Variants in DUSP29 observed in about 807,000 individuals in gnomAD.
DUSP29 encodes dual specificity phosphatase 29, also known as atypical dual-specific protein phosphatase.
DUSP29 carries 12 observed loss-of-function variants against 13.5 expected under a neutral mutation model. That is an observed-to-expected ratio of 0.89 (90% CI 0.57 to 1.44). The LOEUF is 1.44. Ranked by LOEUF, DUSP29 falls within the 40% of genes most tolerant of loss-of-function variation. DUSP29 has a pLI of 0.00. For missense variants in DUSP29, 308 were observed against 301.1 expected (o/e 1.02, Z -0.17); for synonymous variants, 134 against 128.7 (o/e 1.04, Z -0.28).
At chr10:75,072,493 T>A (rs1026094086) in intron 1 of DUSP29, among the ~76,000 whole-genome samples, 1 of 152,160 alleles carries the variant, frequency 6.6e-6, no homozygotes, top group African/African-American at 2.4e-5. Flanking sequence ...CCAGCCTCCA[T>A]GCCCAACGCG....
At chr10:75,059,888 G>A (rs1589866111) in intron 1 of DUSP29, among the ~76,000 whole-genome samples, 2 of 152,330 alleles carry the variant, frequency 1.3e-5, no homozygotes, top group East Asian at 3.9e-4. Flanking sequence ...GCCAGGCGCG[G>A]TGGCTCATGC....
intron 1 of DUSP29, among the ~76,000 whole-genome samples, chr10:75,072,998 C>T (rs1056285336): frequency 1.3e-5 from 2 of 151,978 alleles, no homozygotes; most frequent in African/African-American, 2.4e-5. Flanking sequence ...CAGTCCCACC[C>T]CCCATCTCTA....
chr10:75,050,194 T>C (rs1424611960), intron 2 of DUSP29, among the ~76,000 whole-genome samples: 1 of 151,978 alleles, frequency 6.6e-6, no homozygotes, highest in African/African-American at 2.4e-5. Context: ...CTGCTGACTA[T>C]AGGGAAAAAA....
At chr10:75,046,816 C>T (rs1163947771) in intron 2 of DUSP29, among the ~76,000 whole-genome samples, 1 of 152,206 alleles carries the variant, frequency 6.6e-6, no homozygotes, top group Non-Finnish European at 1.5e-5. Flanking sequence ...CCAATTAAAG[C>T]CGCCGCTAAT....
chr10:75,041,636 G>C (rs1185694193), intron 3 of DUSP29, among the ~76,000 whole-genome samples: 1 of 152,196 alleles, frequency 6.6e-6, no homozygotes, highest in Admixed American at 6.5e-5. Flanking sequence ...CCAGTGCAAA[G>C]GTGCTGAGAG....
chr10:75,048,796 G>A (rs148152009), intron 2 of DUSP29, among the ~76,000 whole-genome samples: 4 of 152,178 alleles, frequency 2.6e-5, no homozygotes, highest in East Asian at 3.8e-4. Flanking sequence ...CCGGCCTTCC[G>A]GTGTCTTGGG....
intron 2 of DUSP29, among the ~76,000 whole-genome samples, chr10:75,052,550 G>T (rs1036799634): frequency 3.9e-5 from 6 of 151,954 alleles, no homozygotes; most frequent in African/African-American, 1.2e-4. Flanking sequence ...CTCGTAATCC[G>T]CCTGCCTCGG....
At chr10:75,069,027 T>C (rs970680696) in intron 1 of DUSP29, among the ~76,000 whole-genome samples, 6 of 152,230 alleles carry the variant, frequency 3.9e-5, no homozygotes, top group Admixed American at 1.3e-4. Context: ...TGTGAATTAA[T>C]ATAAAATCCT....
intron 1 of DUSP29, among the ~76,000 whole-genome samples, chr10:75,060,848 C>T (rs774578837): frequency 7.2e-5 from 11 of 152,176 alleles, no homozygotes; most frequent in Admixed American, 3.9e-4. Context: ...CTGGAGATTC[C>T]GAGGACAGTT....
At chr10:75,072,519 ACTCAG>A (rs1847352834) in intron 1 of DUSP29, among the ~76,000 whole-genome samples, 1 of 151,904 alleles carries the variant, frequency 6.6e-6, no homozygotes, top group East Asian at 1.9e-4. Flanking sequence ...CTTGTTAAGA[ACTCAG>A]CTCAGAAGCC....
At chr10:75,044,097 C>G in intron 2 of DUSP29, 80 bp from the exon 3 acceptor site, 1 of 1,350,858 alleles carries the variant, frequency 7.4e-7, no homozygotes, top group South Asian at 1.3e-5. Context: ...CCCACGCTTT[C>G]CGCTGTGGAT....
chr10:75,053,846 T>A (rs2134292765), intron 2 of DUSP29, among the ~76,000 whole-genome samples: 1 of 152,296 alleles, frequency 6.6e-6, no homozygotes, highest in African/African-American at 2.4e-5. Flanking sequence ...ACTGGCTGAC[T>A]GAATGAATGA....
Position 75,058,470 on chromosome 10 carries a change from T to A in DUSP29, c.45A>T (p.Ser15=). 6.2e-7 allele frequency: 1 copy of A among 1,614,214 alleles called. No individual in the cohort carries two copies. Among genetic ancestry groups the A allele is most frequent in the South Asian group, 1.1e-5 (1 of 91,082 alleles). ...TCTTCGGCGACAGCCTCTTGGCAGA[T>A]GAGTAGGCATTCTTGAGGCTTGTCT... is the stretch of plus-strand genomic sequence containing the variant. ...EVKTSLKNAY[S]SAKRLSPKME... Residue 15 remains serine, a synonymous_variant, in exon 2 of 4, where the codon TCA becomes TCT. Coordinates refer to ENST00000338487, the MANE Select transcript of DUSP29 (RefSeq NM_001003892.3).
rs748792965 is a variant in DUSP29, at chr10:75,037,650, G to A, written c.*186C>T. On this transcript the variant is annotated 3_prime_UTR_variant, in exon 4 of 4. Coordinates refer to ENST00000338487, the MANE Select transcript of DUSP29 (RefSeq NM_001003892.3). ...CTCCCATTTTGCTGAGAGGCTGAGCGCTCAGCTCTGCCCGGGGGCAGCTCT... is the reference window on the plus strand; with the variant it reads ...CTCCCATTTTGCTGAGAGGCTGAGCACTCAGCTCTGCCCGGGGGCAGCTCT... Among the ~76,000 whole-genome samples, 7 of 152,296 alleles carry A rather than the reference G, an allele frequency of 4.6e-5. No individual in the cohort carries two copies. The highest frequency in any genetic ancestry group is 1.2e-4 in the African/African-American group (5 of 41,560).
chr10:75,061,692 C>A (rs1302668633), intron 1 of DUSP29, among the ~76,000 whole-genome samples: 1 of 152,124 alleles, frequency 6.6e-6, no homozygotes, highest in Non-Finnish European at 1.5e-5. Flanking sequence ...GGGTGGGAGG[C>A]CCGGTCTTTG....
chr10:75,045,194 T>C (rs917798019), intron 2 of DUSP29, among the ~76,000 whole-genome samples: 4 of 152,200 alleles, frequency 2.6e-5, no homozygotes, highest in South Asian at 4.2e-4. Flanking sequence ...CTGTCTCTAC[T>C]AATAATACAA....
At chr10:75,058,226 C>T (rs573554817) in intron 2 of DUSP29, 89 bp downstream of exon 2, 5 of 1,466,720 alleles carry the variant, frequency 3.4e-6, no homozygotes, top group Admixed American at 2.2e-5. Flanking sequence ...ACTACAAATT[C>T]CAAAGCCCAT....
intron 1 of DUSP29, among the ~76,000 whole-genome samples, chr10:75,061,518 G>A (rs11001267): frequency 0.066 from 10,013 of 152,236 alleles, 453 homozygotes; most frequent in East Asian, 0.16. Context: ...CTGCACCCTC[G>A]TAGGGGCGCA....
chr10:75,062,410 T>A (rs538204795), intron 1 of DUSP29, among the ~76,000 whole-genome samples: 34 of 152,328 alleles, frequency 2.2e-4, no homozygotes, highest in Admixed American at 1.0e-3. Context: ...ACCTCACCCT[T>A]GGTGAGGCCA....
Sources: gnomAD v4.1 joint callset for allele counts (sites outside exome capture counted in the v4.1 genomes callset) on GRCh38, gnomAD v4.1.1 for gene constraint, MANE v1.5 for transcripts, NCBI Gene and HGNC (gene_info 2026-07-23, HGNC 2026-07-21) for gene names.